RBFOX2: variants seen among roughly 807,000 people sequenced by gnomAD.
RBFOX2 encodes RNA binding fox-1 homolog 2.
A neutral mutation model predicts 49.1 loss-of-function variants in RBFOX2; 10 were observed. The ratio of observed to expected loss-of-function variants is 0.20; its 90% CI spans 0.13 to 0.35. The LOEUF is 0.35. RBFOX2 is among the 10% of genes least tolerant of loss of function. The pLI is 1.00. For synonymous variants in RBFOX2, 183 were observed against 187.4 expected (o/e 0.98, Z 0.19); for missense variants, 323 against 486.9 (o/e 0.66, Z 3.17).
chr22:35,761,504 C>T (rs766953181), intron 6 of RBFOX2, 36 bp from the exon 8 acceptor site: 3 of 1,608,764 alleles, frequency 1.9e-6, no homozygotes. Context: ...GCATTTAAGA[C>T]TGTTTGAGGA....
At chr22:35,899,391 T>C (rs2048294210) in intron 1 of RBFOX2, among the ~76,000 whole-genome samples, 1 of 151,972 alleles carries the variant, frequency 6.6e-6, no homozygotes, top group African/African-American at 2.4e-5. Context: ...TAAATGCATC[T>C]ATTTCTTTTC....
At position 35,901,205 on chromosome 22, in the gene RBFOX2, C is replaced by T. The variant is rs928550710; in HGVS notation, c.-34+37642G>A. Among the ~76,000 whole-genome samples the T allele has an allele frequency of 5.9e-5, 9 of 152,302 alleles. No individual in the cohort carries two copies. In the Middle Eastern group the frequency reaches 0.01, roughly 173 times the overall value. On this transcript the variant is annotated intron_variant, in intron 1 of 13. Coordinates refer to the RBFOX2 transcript ENST00000359369. The stretch of plus-strand genomic sequence containing the variant: ...AGTGAATAAAGAGCCAAAAGTTCAA[C>T]GTTCGTTTTTAAGACTCCAAGATCA...
chr22:35,826,329 C>T (rs1229581913), intron 1 of RBFOX2, among the ~76,000 whole-genome samples: 13 of 114,676 alleles, frequency 1.1e-4, no homozygotes, highest in East Asian at 2.3e-4. Flanking sequence ...GCAACAAGAG[C>T]GAAACTCCAT....
exon 12 of RBFOX2, chr22:35,742,333 G>C (rs1019183732): frequency 1.3e-5 from 2 of 152,478 alleles, no homozygotes; most frequent in Admixed American, 6.5e-5. Context: ...ATTCTGAAGG[G>C]GGAAAGGATA....
chr22:35,982,710 A>G (rs1469550003), intron 1 of RBFOX2, among the ~76,000 whole-genome samples: 1 of 152,168 alleles, frequency 6.6e-6, no homozygotes, highest in African/African-American at 2.4e-5. Flanking sequence ...CAACAGTTAT[A>G]TAAGAAAAAT....
intron 1 of RBFOX2, among the ~76,000 whole-genome samples, chr22:35,916,878 TA>T (rs754205670): frequency 0.018 from 2,519 of 137,178 alleles, 17 homozygotes; most frequent in Middle Eastern, 0.088. Flanking sequence ...CTGAAAAATT[TA>T]AAAAAAAAAA....
chr22:35,936,845 CAAG>C (rs1193322476), intron 1 of RBFOX2, among the ~76,000 whole-genome samples: 2 of 152,200 alleles, frequency 1.3e-5, no homozygotes, highest in East Asian at 1.9e-4. Context: ...ATAATCCCCA[CAAG>C]AAGAATACAG....
At chr22:36,010,823 C>T (rs77964102) in intron 1 of RBFOX2, among the ~76,000 whole-genome samples, 1,736 of 151,742 alleles carry the variant, frequency 0.011, 15 homozygotes, top group Non-Finnish European at 0.016. Context: ...TACTTACTTC[C>T]CATCAAGTCT....
chr22:35,840,389 T>C, exon 1 of RBFOX2: 1 of 1,516,058 alleles, frequency 6.6e-7, no homozygotes, highest in Non-Finnish European at 8.8e-7. Context: ...TTCCTTTCTT[T>C]TCTCTTCCTC....
At chr22:35,775,728 C>T (rs901981332) in intron 4 of RBFOX2, among the ~76,000 whole-genome samples, 4 of 151,032 alleles carry the variant, frequency 2.6e-5, no homozygotes, top group African/African-American at 9.8e-5. Context: ...GTTATCCCAG[C>T]TACTCGGGAA....
chr22:36,012,457 G>A (rs543666506), intron 1 of RBFOX2, among the ~76,000 whole-genome samples: 8 of 152,238 alleles, frequency 5.3e-5, no homozygotes, highest in Admixed American at 1.3e-4. Context: ...AACATAACAC[G>A]GAAGCTGGGT....
intron 1 of RBFOX2, among the ~76,000 whole-genome samples, chr22:36,007,954 T>C (rs569263751): frequency 6.6e-6 from 1 of 152,346 alleles, no homozygotes; most frequent in South Asian, 2.1e-4. Context: ...CATTTTTGTT[T>C]CTTCAACCTT....
At chr22:35,840,111 T>A in intron 1 of RBFOX2, 1 of 1,535,932 alleles carries the variant, frequency 6.5e-7, no homozygotes, top group Non-Finnish European at 9.0e-7. Flanking sequence ...TTAAAACTCT[T>A]CTTACTATAC....
intron 1 of RBFOX2, among the ~76,000 whole-genome samples, chr22:35,916,878 TAA>T (rs754205670): frequency 2.2e-5 from 3 of 137,454 alleles, no homozygotes; most frequent in African/African-American, 2.7e-5. Flanking sequence ...CTGAAAAATT[TAA>T]AAAAAAAAAA....
chr22:35,994,744 T>C (rs1251852038), intron 1 of RBFOX2: 1 of 151,712 alleles, frequency 6.6e-6, no homozygotes, highest in Admixed American at 6.6e-5. Context: ...AGAACAGAGA[T>C]GCGGGTCTCA....
chr22:35,770,362 T>G (rs1167073024), intron 4 of RBFOX2, among the ~76,000 whole-genome samples: 1 of 152,184 alleles, frequency 6.6e-6, no homozygotes, highest in Non-Finnish European at 1.5e-5. Context: ...GGATTACTAT[T>G]AAGTTATATG....
chr22:35,836,126 C>T (rs1957611491), intron 1 of RBFOX2, among the ~76,000 whole-genome samples: 1 of 152,120 alleles, frequency 6.6e-6, no homozygotes, highest in African/African-American at 2.4e-5. Flanking sequence ...GGGAGCATGA[C>T]TGGCAGGCAA....
intron 1 of RBFOX2, chr22:35,995,848 C>A (rs73415759): frequency 6.6e-6 from 1 of 152,356 alleles, no homozygotes; most frequent in Admixed American, 6.5e-5. Context: ...AATACACCAA[C>A]AAGAAAATCT....
chr22:35,780,260 C>A (rs1944838958), intron 3 of RBFOX2, among the ~76,000 whole-genome samples: 1 of 151,894 alleles, frequency 6.6e-6, no homozygotes, highest in Admixed American at 6.6e-5. Context: ...GCCCCAGTGT[C>A]TTGTCACCGT....
Sources: allele counts gnomAD v4.1 joint callset (sites outside exome capture counted in the v4.1 genomes callset), GRCh38; gene constraint gnomAD v4.1.1; transcripts MANE v1.5; gene names NCBI Gene and HGNC (gene_info 2026-07-23, HGNC 2026-07-21).